The following C3orf22 variants were observed in gnomAD, a reference collection of about 807,000 sequenced individuals.
C3orf22 encodes the protein chromosome 3 open reading frame 22.
C3orf22 carries 7 observed loss-of-function variants against 10.8 expected under a neutral mutation model. That is an observed-to-expected ratio of 0.65 (90% CI 0.37 to 1.22). C3orf22 has a LOEUF of 1.22. C3orf22 is among the 50% of genes most tolerant of loss of function. The pLI is 0.02. For synonymous variants in C3orf22, 79 were observed against 78.9 expected (o/e 1.00, Z 0.00); for missense variants, 173 against 177.0 (o/e 0.98, Z 0.13).
chr3:126,555,301 G>A (rs747194597), intron 1 of C3orf22, among the ~76,000 whole-genome samples: 9 of 152,216 alleles, frequency 5.9e-5, no homozygotes, highest in African/African-American at 9.6e-5. Context: ...CCGAAGCCCC[G>A]TGTTTATGAC....
At chr3:126,540,000 CAA>C (rs1936920899) in intron 4 of C3orf22, among the ~76,000 whole-genome samples, 1 of 123,732 alleles carries the variant, frequency 8.1e-6, no homozygotes, top group Non-Finnish European at 1.8e-5. Context: ...CACACACACA[CAA>C]ATGCCACACA....
chr3:126,551,991 A>T lies in C3orf22; in HGVS notation c.215+6T>A. On this transcript the variant is annotated splice_donor_region_variant and intron_variant, in intron 3 of 3. Coordinates refer to ENST00000318225, the MANE Select transcript of C3orf22 (RefSeq NM_152533.3). The stretch of plus-strand genomic sequence containing the variant: ...TGGGGGTGGTGGCATCAGGGCAGGG[A>T]CTTACCCTCGGACTGGGATGGACCT... 6.2e-7 allele frequency: 1 copy of T among 1,607,134 alleles called. No individual in the cohort carries two copies. Among genetic ancestry groups the T allele is most frequent in the Non-Finnish European group, 8.5e-7 (1 of 1,176,090 alleles).
downstream of C3orf22, chr3:126,549,547 G>A (rs1297346175): frequency 1.2e-6 from 1 of 827,906 alleles, no homozygotes. Context: ...CTGTGTGAGT[G>A]TACATTTGGG....
intron 4 of C3orf22, chr3:126,542,516 C>T (rs1936989499): frequency 1.9e-6 from 3 of 1,566,752 alleles, no homozygotes; most frequent in Non-Finnish European, 2.6e-6. Flanking sequence ...CCTCTTCGAC[C>T]TCTACAAGAT....
intron 1 of C3orf22, among the ~76,000 whole-genome samples, chr3:126,558,006 GGTGC>G (rs1937392725): frequency 2.9e-3 from 3 of 1,034 alleles, no homozygotes; most frequent in Non-Finnish European, 7.1e-3. Flanking sequence ...CTTCCTGTCA[GGTGC>G]ACTTGGGTGA....
At chr3:126,554,961 A>T (rs912231179) in intron 1 of C3orf22, among the ~76,000 whole-genome samples, 2 of 152,186 alleles carry the variant, frequency 1.3e-5, no homozygotes, top group African/African-American at 4.8e-5. Flanking sequence ...GCTGTCCGAG[A>T]CGGCAGCTGC....
In C3orf22 at chr3:126,542,649, T is replaced by C. The variant is rs1318924090; in HGVS notation, c.286+6888A>G. The C allele has an allele frequency of 3.6e-6, 5 of 1,397,656 alleles. No individual in the cohort carries two copies. The African/African-American group carries it at 7.6e-5, about 21-fold the overall frequency. The allele number at this position is 1,397,656 out of a possible 1,614,324, so 86.6% of individuals were successfully genotyped here. ...CAAGACCCCCGGGGAATGCAGGTGC[T>C]GCCGGCCCCAGGACCCCTCTTCAAG... On this transcript the variant is annotated intron_variant and NMD_transcript_variant, in intron 4 of 5. Transcript: ENST00000505070.
At chr3:126,535,171 TCCCTGTCCCCAGCCG>T (rs1576751980) in intron 4 of C3orf22, among the ~76,000 whole-genome samples, 1 of 130,954 alleles carries the variant, frequency 7.6e-6, no homozygotes, top group South Asian at 2.6e-4. Flanking sequence ...ACAGACAGCA[TCCCTGTCCCCAGCCG>T]GGAGACAGAC....
rs1357949560 is a variant in C3orf22 at position 126,529,415 on chromosome 3, C to T, written c.287-43G>A. On this transcript the variant is annotated intron_variant and NMD_transcript_variant, in intron 4 of 5. Coordinates refer to the C3orf22 transcript ENST00000505070. ...GGGGACAGGTGTCAGGACAAGGGGG[C>T]ACCCAGAGGCAGGGCAGCATGGGTG... 3.1e-6 allele frequency: 4 copies of T among 1,287,218 alleles called. No homozygotes were observed. The African/African-American group carries it at 4.6e-5, about 15-fold the overall frequency. 79.7% of individuals were successfully genotyped at this position (1,287,218 alleles called of 1,614,324 possible).
downstream of C3orf22, among the ~76,000 whole-genome samples, chr3:126,549,299 A>G (rs1351651724): frequency 2.0e-5 from 3 of 151,146 alleles, no homozygotes. Flanking sequence ...TAGTAAACAC[A>G]AGATGGCAGC....
downstream of C3orf22, among the ~76,000 whole-genome samples, chr3:126,549,038 C>T (rs1937117654): frequency 6.6e-6 from 1 of 152,180 alleles, no homozygotes; most frequent in Admixed American, 6.5e-5. Flanking sequence ...GCAGGCACCC[C>T]GCTGCCCAGT....
intron 5 of C3orf22, among the ~76,000 whole-genome samples, chr3:126,528,378 C>T (rs1936577835): frequency 6.6e-6 from 1 of 151,942 alleles, no homozygotes; most frequent in Non-Finnish European, 1.5e-5. Flanking sequence ...AGTGATCAAC[C>T]TACACAGAAC....
chr3:126,528,942 C>G (rs1051632631), intron 5 of C3orf22, among the ~76,000 whole-genome samples: 1 of 152,234 alleles, frequency 6.6e-6, no homozygotes, highest in Non-Finnish European at 1.5e-5. Context: ...GGACAGAGGC[C>G]CTCGGAGGCC....
chr3:126,553,240 C>G, intron 2 of C3orf22, 62 bp downstream of exon 2: 2 of 1,217,456 alleles, frequency 1.6e-6, no homozygotes, highest in Non-Finnish European at 2.4e-6. Flanking sequence ...TTTGAGTTCC[C>G]AGGATGCTGG....
intron 4 of C3orf22, among the ~76,000 whole-genome samples, chr3:126,543,737 A>T (rs80062076): frequency 1.5e-3 from 130 of 84,532 alleles, no homozygotes; most frequent in Non-Finnish European, 3.0e-3. Flanking sequence ...TGAGTGTGTG[A>T]GAGGAATTGT....
In C3orf22 at chr3:126,552,014, C is replaced by T. The variant is rs766018349; in HGVS notation, c.198G>A (p.Arg66=). 73 of 1,612,380 alleles carry T rather than the reference C, an allele frequency of 4.5e-5. 1 individual carries two copies. The South Asian group carries it at 7.6e-4, about 17-fold the overall frequency. Residue 66 remains arginine (R), a synonymous_variant, in exon 3 of 4, where the codon AGG becomes AGA. Transcript: ENST00000318225. ...LPLQKRLVPT[R]SIPVRGLGAP... is the part of the protein sequence containing the mutation. ...GGACTTACCCTCGGACTGGGATGGA[C>T]CTCGTTGGCACCAACCTCTTCTGCA...
Position 126,549,918 on chromosome 3 carries a change from C to A in C3orf22, c.376G>T (p.Ala126Ser), listed in dbSNP as rs780753648. The change falls in exon 4 of 4, where the codon GCC (alanine) becomes TCC (serine). Residue 126 changes from alanine (A) to serine (S), a missense_variant. By Grantham distance (99) the Ala-to-Ser change is moderately conservative. Transcript: ENST00000318225. ...FLLSTRHTEA[A>S]CPQTSKAAGL... is the part of the protein sequence containing the mutation. ...GCCGCCTTGCTGGTCTGGGGGCAGG[C>A]AGCCTCAGTGTGCCGGGTGGACAGC... is the stretch of plus-strand genomic sequence containing the variant. The A allele has an allele frequency of 6.2e-7, 1 of 1,614,036 alleles. No individual in the cohort carries two copies. The highest frequency in any genetic ancestry group is 1.1e-5 in the South Asian group (1 of 91,066).
chr3:126,542,751 C>T (rs1936999467), intron 4 of C3orf22: 1 of 1,012,680 alleles, frequency 9.9e-7, no homozygotes, highest in South Asian at 2.6e-5. Context: ...GGCAGCCCAT[C>T]TCAGGTGGCC....
intron 1 of C3orf22, among the ~76,000 whole-genome samples, chr3:126,557,946 T>C (rs1937389706): frequency 6.9e-6 from 1 of 144,636 alleles, no homozygotes; most frequent in Admixed American, 6.9e-5. Context: ...TCGCTGGGCC[T>C]AAGCCCACAG....
Sources: gnomAD v4.1 joint callset for allele counts (sites outside exome capture counted in the v4.1 genomes callset) on GRCh38, gnomAD v4.1.1 for gene constraint, MANE v1.5 for transcripts, NCBI Gene and HGNC (gene_info 2026-07-23, HGNC 2026-07-21) for gene names.